LCLAT1: variants seen among roughly 807,000 people sequenced by gnomAD.
LCLAT1 encodes the protein 1-AGP acyltransferase 8.
LCLAT1 carries 11 observed loss-of-function variants against 30.7 expected under a neutral mutation model. That is an observed-to-expected ratio of 0.36 (90% confidence interval 0.23 to 0.59). The LOEUF (loss-of-function observed/expected upper bound fraction) is 0.59. Ranked by LOEUF, LCLAT1 falls within the 20% of genes least tolerant of loss-of-function variation. LCLAT1 has a pLI of 0.77. For missense variants in LCLAT1, 402 were observed against 458.6 expected (o/e 0.88, Z 1.13); for synonymous variants, 155 against 151.3 (o/e 1.02, Z -0.18).
chr2:30,463,656 A>G (rs951479455), intron 1 of LCLAT1, among the ~76,000 whole-genome samples: 1 of 152,218 alleles, frequency 6.6e-6, no homozygotes, highest in Admixed American at 6.5e-5. Context: ...ATTAGATACT[A>G]TGAGTAATTT....
intron 5 of LCLAT1, among the ~76,000 whole-genome samples, chr2:30,638,989 T>C (rs775749852): frequency 1.3e-5 from 2 of 152,182 alleles, no homozygotes; most frequent in African/African-American, 2.4e-5. Flanking sequence ...TCCAAACCAT[T>C]CTGGTCACTG....
intron 1 of LCLAT1, among the ~76,000 whole-genome samples, chr2:30,509,746 A>G (rs1304376293): frequency 6.6e-6 from 1 of 151,882 alleles, no homozygotes; most frequent in East Asian, 1.9e-4. Context: ...TTGTATTTTT[A>G]GTAGAGTGGG....
chr2:30,562,421 A>G (rs895162729), intron 4 of LCLAT1, 129 bp downstream of exon 4: 2 of 676,260 alleles, frequency 3.0e-6, no homozygotes, highest in Admixed American at 3.1e-5. Flanking sequence ...CTGGAATCCT[A>G]GCTACTCAGG....
At chr2:30,599,812 A>T (rs867372655) in intron 5 of LCLAT1, among the ~76,000 whole-genome samples, 1 of 151,936 alleles carries the variant, frequency 6.6e-6, no homozygotes, top group Middle Eastern at 3.4e-3. Flanking sequence ...ATTTTCCTCC[A>T]TCCCTTTATT....
intron 5 of LCLAT1, among the ~76,000 whole-genome samples, chr2:30,638,906 C>A (rs775042590): frequency 4.2e-5 from 5 of 119,350 alleles, no homozygotes; most frequent in Non-Finnish European, 9.9e-5. Context: ...TTGGCCCCTA[C>A]GTCCTCTCCA....
intron 5 of LCLAT1, among the ~76,000 whole-genome samples, chr2:30,610,006 C>G (rs1667656361): frequency 6.6e-6 from 1 of 152,046 alleles, no homozygotes; most frequent in Admixed American, 6.6e-5. Flanking sequence ...TAATTTTAAG[C>G]ACATAAAGGC....
chr2:30,525,491 TA>T, intron 1 of LCLAT1, 95 bp from the exon 2 acceptor site: 1 of 973,148 alleles, frequency 1.0e-6, no homozygotes. Context: ...TCTGTAGCCC[TA>T]AAATTAGTGA....
At chr2:30,573,933 TAGC>T (rs1317379261) in intron 5 of LCLAT1, among the ~76,000 whole-genome samples, 1 of 151,936 alleles carries the variant, frequency 6.6e-6, no homozygotes, top group African/African-American at 2.4e-5. Flanking sequence ...CATATAATAA[TAGC>T]AGTGCCCCAG....
intron 5 of LCLAT1, among the ~76,000 whole-genome samples, chr2:30,614,658 G>T (rs1667905721): frequency 6.6e-6 from 1 of 152,184 alleles, no homozygotes; most frequent in South Asian, 2.1e-4. Flanking sequence ...TATCCATAGG[G>T]AGTTATGAAA....
intron 2 of LCLAT1, among the ~76,000 whole-genome samples, chr2:30,527,456 T>C (rs1685772887): frequency 6.6e-6 from 1 of 152,242 alleles, no homozygotes; most frequent in South Asian, 2.1e-4. Context: ...GTTGAATCTT[T>C]CTGCCAAAAC....
intron 1 of LCLAT1, among the ~76,000 whole-genome samples, chr2:30,501,399 A>G (rs1684381121): frequency 6.6e-6 from 1 of 152,196 alleles, no homozygotes; most frequent in South Asian, 2.1e-4. Context: ...TTTATAAAAG[A>G]TAATGATGTA....
chr2:30,461,872 G>A (rs1036761810), intron 1 of LCLAT1, among the ~76,000 whole-genome samples: 5 of 148,756 alleles, frequency 3.4e-5, no homozygotes, highest in African/African-American at 1.2e-4. Flanking sequence ...CCGGGTTCAC[G>A]CCATTCTCCT....
At chr2:30,630,659 T>C (rs1188438550) in intron 5 of LCLAT1, among the ~76,000 whole-genome samples, 1 of 152,222 alleles carries the variant, frequency 6.6e-6, no homozygotes, top group East Asian at 1.9e-4. Context: ...CAAATAATCT[T>C]GAAGGCCCAC....
intron 5 of LCLAT1, among the ~76,000 whole-genome samples, chr2:30,617,809 A>T (rs192313534): frequency 1.0e-3 from 152 of 152,286 alleles, no homozygotes; most frequent in Non-Finnish European, 1.7e-3. Flanking sequence ...TGATATGTTA[A>T]TTCCAATTTT....
intron 3 of LCLAT1, among the ~76,000 whole-genome samples, chr2:30,535,507 A>C (rs1345994781): frequency 6.6e-6 from 1 of 152,194 alleles, no homozygotes; most frequent in African/African-American, 2.4e-5. Context: ...ATCCACAAAC[A>C]GCTGCAGCCT....
At chr2:30,610,053 A>C (rs886707667) in intron 5 of LCLAT1, among the ~76,000 whole-genome samples, 2 of 152,164 alleles carry the variant, frequency 1.3e-5, no homozygotes, top group Non-Finnish European at 2.9e-5. Context: ...ACAAATATGC[A>C]GTTTCTACAT....
chr2:30,568,287 A>C, intron 5 of LCLAT1, 111 bp downstream of exon 5: 1 of 549,566 alleles, frequency 1.8e-6, no homozygotes, highest in East Asian at 3.1e-5. Flanking sequence ...TGTCTCAAGA[A>C]ATGAGATATT....
intron 5 of LCLAT1, among the ~76,000 whole-genome samples, chr2:30,596,260 A>C (rs559200332): frequency 6.6e-6 from 1 of 152,304 alleles, no homozygotes; most frequent in African/African-American, 2.4e-5. Context: ...TCCCACCAAC[A>C]ATGTAAAAGC....
At chr2:30,493,474 C>T (rs150787976) in intron 1 of LCLAT1, among the ~76,000 whole-genome samples, 45 of 152,182 alleles carry the variant, frequency 3.0e-4, no homozygotes, top group African/African-American at 9.9e-4. Flanking sequence ...AAATGAAGTC[C>T]GGGAGGAATA....
Sources: gnomAD v4.1 joint callset for allele counts (sites outside exome capture counted in the v4.1 genomes callset) on GRCh38, gnomAD v4.1.1 for gene constraint, MANE v1.5 for transcripts, NCBI Gene and HGNC (gene_info 2026-07-23, HGNC 2026-07-21) for gene names.